GRHL3: variants seen among roughly 807,000 people sequenced by gnomAD.
GRHL3 encodes the protein grainyhead-like protein 3 homolog.
A neutral mutation model predicts 70.3 loss-of-function variants in GRHL3; 20 were observed. The observed-to-expected ratio is 0.28, with a 90% CI of 0.20 to 0.41. The LOEUF is 0.41. Ranked by LOEUF, GRHL3 falls within the 10% of genes least tolerant of loss-of-function variation. The probability of loss-of-function intolerance (pLI) is 1.00; values close to 1 mark genes in which losing one functional copy is unlikely to be tolerated. For synonymous variants in GRHL3, 299 were observed against 299.9 expected, an observed-to-expected ratio of 1.00 and a Z score of 0.03; for missense variants, 637 against 762.3, an observed-to-expected ratio of 0.84 and a Z score of 1.94.
intron 8 of GRHL3, among the ~76,000 whole-genome samples, chr1:24,340,284 C>T (rs1639987239): frequency 6.6e-6 from 1 of 152,114 alleles, no homozygotes; most frequent in Non-Finnish European, 1.5e-5. Flanking sequence ...AATGAGGGCT[C>T]GAATCCCAGT....
At chr1:24,348,957 C>T (rs913197280) in intron 14 of GRHL3, among the ~76,000 whole-genome samples, 21 of 152,382 alleles carry the variant, frequency 1.4e-4, no homozygotes, top group South Asian at 4.1e-4. Context: ...TCAACACCGA[C>T]GTCTTACAGA....
chr1:24,342,659 G>T lies in GRHL3; in HGVS notation c.1207-35G>T. 2 of 1,591,870 alleles carry T rather than the reference G, an allele frequency of 1.3e-6. No individual in the cohort carries two copies. Among genetic ancestry groups the T allele is most frequent in the African/African-American group, 1.3e-5 (1 of 74,620 alleles). ...CTGTGAAAGTAGCTAGCCCCTCCCAGGCCCTTGGTGACCCTCTCTCCTTCT... is the reference window on the plus strand; with the variant it reads ...CTGTGAAAGTAGCTAGCCCCTCCCATGCCCTTGGTGACCCTCTCTCCTTCT... On this transcript the variant is annotated intron_variant, in intron 9 of 15. Coordinates refer to ENST00000361548, the MANE Select transcript of GRHL3 (RefSeq NM_198173.3). This position sits in a 1 kb window ranked among gnomAD's most constrained non-coding sequence, Gnocchi z 4.8.
downstream of GRHL3, among the ~76,000 whole-genome samples, chr1:24,359,225 C>G (rs955945736): frequency 1.3e-5 from 2 of 152,234 alleles, no homozygotes; most frequent in Non-Finnish European, 2.9e-5. This position sits in a 1 kb window ranked among gnomAD's most constrained non-coding sequence, Gnocchi z 5.3. Context: ...GGAAACCCCT[C>G]GCAGAAGCCC....
At position 24,347,339 on chromosome 1, in the gene GRHL3, G is replaced by C. The variant is rs190790941; in HGVS notation, c.1544-129G>C. ...ATGGGAATCTGCAGAGCCGGCCAAA[G>C]GGCCTCCCAGCTGGGCAAAGACCCG... On this transcript the variant is annotated intron_variant, in intron 13 of 15. Coordinates refer to ENST00000361548, the MANE Select transcript of GRHL3 (RefSeq NM_198173.3). The C allele has an allele frequency of 1.8e-4, 138 of 785,350 alleles. No individual in the cohort carries two copies. The African/African-American group carries it at 1.9e-3, about 11-fold the overall frequency. The allele number at this position is 785,350 out of a possible 1,614,324, so 48.6% of individuals were successfully genotyped here. A position where few individuals can be genotyped will look rare whatever the true frequency, so the allele number is the denominator to read the frequency against.
chr1:24,358,396 G>A (rs752372273), downstream of GRHL3: 21 of 754,148 alleles, frequency 2.8e-5, no homozygotes, highest in Admixed American at 2.5e-4. Flanking sequence ...GCAGCAGTCC[G>A]GCTAGGATGC....
At chr1:24,350,794 A>G (rs1557706047) in intron 15 of GRHL3, among the ~76,000 whole-genome samples, 1 of 152,212 alleles carries the variant, frequency 6.6e-6, no homozygotes, top group Non-Finnish European at 1.5e-5. Context: ...GGCCAGGAAT[A>G]AAGCTGTACC....
intron 15 of GRHL3, chr1:24,360,994 G>C: frequency 6.2e-7 from 1 of 1,613,520 alleles, no homozygotes. Flanking sequence ...AGGTGGCTTC[G>C]GAGGCAGAGG....
chr1:24,339,281 CTT>C (rs59192456), intron 7 of GRHL3, among the ~76,000 whole-genome samples: 16 of 148,144 alleles, frequency 1.1e-4, no homozygotes, highest in African/African-American at 1.8e-4. Context: ...CCAGTTTTGT[CTT>C]TTTTTTTTTT....
At chr1:24,362,911 G>T (rs1033990822) in intron 15 of GRHL3, among the ~76,000 whole-genome samples, 3 of 152,190 alleles carry the variant, frequency 2.0e-5, no homozygotes, top group Non-Finnish European at 4.4e-5. Context: ...ACTGGTTACA[G>T]GGTGTAATCA....
rs980092965 is a variant in GRHL3, at chr1:24,336,477, C to T, written c.267-5C>T. 4.5e-6 allele frequency: 7 copies of T among 1,555,242 alleles called. No homozygotes were observed. Among genetic ancestry groups the T allele is most frequent in the Non-Finnish European group, 6.1e-6 (7 of 1,146,176 alleles). On this transcript the variant is annotated splice_polypyrimidine_tract_variant and splice_region_variant and intron_variant, in intron 3 of 15. Coordinates refer to ENST00000361548, the MANE Select transcript of GRHL3 (RefSeq NM_198173.3). The stretch of plus-strand genomic sequence containing the variant: ...GTACACTCAGCCCCTTTTCTTTCTC[C>T]CCAGGTACTACCATGGCATGGAATA...
chr1:24,333,736 G>GT (rs1639694376), intron 2 of GRHL3, among the ~76,000 whole-genome samples: 1 of 152,156 alleles, frequency 6.6e-6, no homozygotes, highest in Non-Finnish European at 1.5e-5. Flanking sequence ...GTCTATGCTT[G>GT]TAAGTACTAA....
At chr1:24,328,862 G>A (rs1639489909) in intron 1 of GRHL3, among the ~76,000 whole-genome samples, 1 of 152,226 alleles carries the variant, frequency 6.6e-6, no homozygotes, top group South Asian at 2.1e-4. Context: ...TACAAATGAG[G>A]AACAGTGCTA....
chr1:24,342,748 A>G lies in GRHL3; in HGVS notation c.1261A>G (p.Lys421Glu). 5.6e-6 allele frequency: 9 copies of G among 1,614,158 alleles called. No homozygotes were observed. The highest frequency in any genetic ancestry group is 7.6e-6 in the Non-Finnish European group (9 of 1,180,014). Residue 421 changes from lysine (K) to glutamate (E), a missense_variant, in exon 10 of 16, where the codon AAG (lysine) becomes GAG (glutamate). Physicochemically the swap from Lys to Glu is moderately conservative, Grantham distance 56. Around this residue, in one of 2 missense-constraint regions of GRHL3, gnomAD observed 387 missense variants for 513.8 expected, o/e 0.75. Transcript: ENST00000361548. The surrounding 1 kb of genome is among the most constrained non-coding windows in gnomAD (Gnocchi z 4.8). ...GCGGAAGCAGTTCCGGAGGAAGGTCAAGTGCCCTGACTCCAGCAACAGTGG... is the reference window on the plus strand; with the variant it reads ...GCGGAAGCAGTTCCGGAGGAAGGTCGAGTGCCCTGACTCCAGCAACAGTGG... ...DERKQFRRKV[K>E]CPDSSNSGVK...
intron 15 of GRHL3, chr1:24,360,844 C>G: frequency 6.2e-7 from 1 of 1,604,560 alleles, no homozygotes; most frequent in East Asian, 2.2e-5. Flanking sequence ...TAAAACAATC[C>G]TCTGACCTGG....
chr1:24,325,023 G>A (rs1185538781), intron 1 of GRHL3, among the ~76,000 whole-genome samples: 2 of 152,164 alleles, frequency 1.3e-5, no homozygotes, highest in African/African-American at 2.4e-5. Context: ...AACATCGTGT[G>A]TGGGGCTGAC....
chr1:24,358,268 G>A (rs1182408758), downstream of GRHL3: 5 of 641,618 alleles, frequency 7.8e-6, no homozygotes, highest in Non-Finnish European at 1.4e-5. Context: ...TGGGTGCGTG[G>A]GGAAGCAGCC....
chr1:24,357,063 A>C (rs1640763840), downstream of GRHL3: 2 of 141,162 alleles, frequency 1.4e-5, no homozygotes, highest in South Asian at 2.6e-4. Flanking sequence ...CCCCCAAAAA[A>C]AAAATCCATG....
rs1053832914 is a variant in GRHL3 at position 24,339,863 on chromosome 1, G to A, written c.1047+101G>A. On this transcript the variant is annotated intron_variant, in intron 8 of 15. Coordinates refer to ENST00000361548, the MANE Select transcript of GRHL3 (RefSeq NM_198173.3). ...CACCTAGGATAGTGTCATTTGCTCCGACGAGGGCACTCATGGAGGAGGCAG... is the reference window on the plus strand; with the variant it reads ...CACCTAGGATAGTGTCATTTGCTCCAACGAGGGCACTCATGGAGGAGGCAG... 2.5e-5 allele frequency: 17 copies of A among 691,642 alleles called. No homozygotes were observed. In the Middle Eastern group the frequency reaches 1.7e-3, roughly 71 times the overall value. 42.8% of individuals were successfully genotyped at this position (691,642 alleles called of 1,614,324 possible).
At chr1:24,362,354 C>T (rs1641177231) in intron 15 of GRHL3, among the ~76,000 whole-genome samples, 1 of 152,172 alleles carries the variant, frequency 6.6e-6, no homozygotes, top group Non-Finnish European at 1.5e-5. Flanking sequence ...GTGTTTGGCA[C>T]CTAGCAATAT....
Sources: gnomAD v4.1 joint callset for allele counts (sites outside exome capture counted in the v4.1 genomes callset) on GRCh38, gnomAD v4.1.1 for gene constraint, gnomAD v4.1.1 regional missense constraint, Gnocchi (gnomAD v3.1) non-coding constraint, MANE v1.5 for transcripts, NCBI Gene and HGNC (gene_info 2026-07-23, HGNC 2026-07-21) for gene names.